GGT1: variants seen among roughly 807,000 people sequenced by gnomAD.
GGT1 encodes gamma-glutamyltransferase 1.
A neutral mutation model predicts 56.0 loss-of-function variants in GGT1; 21 were observed. That is an observed-to-expected ratio of 0.38 (90% confidence interval 0.27 to 0.54). GGT1 has a LOEUF of 0.54. GGT1 is among the 20% of genes least tolerant of loss of function. The pLI is 0.82. For synonymous variants in GGT1, 238 were observed against 342.6 expected (o/e 0.69, Z 3.37); for missense variants, 466 against 787.0 (o/e 0.59, Z 4.88).
chr22:24,614,570 C>T (rs890976416), intron 5 of GGT1, among the ~76,000 whole-genome samples: 2 of 143,640 alleles, frequency 1.4e-5, no homozygotes, highest in African/African-American at 5.2e-5. Context: ...GAGCTGAGAT[C>T]GTGCCACTGC....
chr22:24,617,528 C>T (rs2047148981), intron 7 of GGT1, among the ~76,000 whole-genome samples: 1 of 152,046 alleles, frequency 6.6e-6, no homozygotes, highest in African/African-American at 2.4e-5. Flanking sequence ...TGGACAGACA[C>T]ACTTGGAAGT....
chr22:24,623,941 G>A (rs945773200), intron 11 of GGT1, 25 bp downstream of exon 11: 1 of 1,605,554 alleles, frequency 6.2e-7, no homozygotes, highest in African/African-American at 1.3e-5. Context: ...CTGGCCCACT[G>A]TGGGTGTGGG....
upstream of GGT1, among the ~76,000 whole-genome samples, chr22:24,602,047 A>G (rs935484194): frequency 6.6e-6 from 1 of 151,866 alleles, no homozygotes; most frequent in Admixed American, 6.6e-5. Context: ...CAGGGCTCTC[A>G]AAGTCCACAC....
rs369746923 is a variant in GGT1 at position 24,624,384 on chromosome 22, A to G, written c.1020+468A>G. 488 of 985,124 alleles carry G rather than the reference A, an allele frequency of 5.0e-4. 2 individuals carry two copies. The South Asian group carries it at 0.019, about 39-fold the overall frequency. 61.0% of individuals were successfully genotyped at this position (985,124 alleles called of 1,614,324 possible). On this transcript the variant is annotated intron_variant, in intron 11 of 15. Coordinates refer to ENST00000400382, the MANE Select transcript of GGT1 (RefSeq NM_001288833.2). ...TGCCCCAGCTCCACACTGGGTCCCT[A>G]TAAGACCCTGTCATATCCCTTCCCG...
chr22:24,598,431 C>G (rs908335536), upstream of GGT1, among the ~76,000 whole-genome samples: 2 of 121,886 alleles, frequency 1.6e-5, no homozygotes, highest in African/African-American at 6.9e-5. Context: ...CAGAGCGAGA[C>G]TGAGACTCCG....
At chr22:24,603,623 G>A (rs1365981040) in intron 1 of GGT1, 96 bp downstream of exon 1, 3 of 152,520 alleles carry the variant, frequency 2.0e-5, no homozygotes, top group Non-Finnish European at 2.9e-5. Flanking sequence ...TGAGGTATGC[G>A]AGTGGGTGAA....
upstream of GGT1, chr22:24,592,627 C>T (rs2045604808): frequency 6.8e-6 from 4 of 585,896 alleles, no homozygotes; most frequent in South Asian, 2.0e-5. Context: ...CTCCTCCACA[C>T]GGTCCGCCGA....
chr22:24,588,096 G>A, the GGT1 span: 4 of 787,006 alleles, frequency 5.1e-6, no homozygotes, highest in African/African-American at 1.7e-5. Flanking sequence ...ATGCGGACCA[G>A]GTGAGGGCCT....
chr22:24,592,775 A>G, upstream of GGT1: 3 of 1,289,816 alleles, frequency 2.3e-6, no homozygotes, highest in South Asian at 3.5e-5. Context: ...ATACAGGCCC[A>G]CAACCCATAG....
chr22:24,586,196 A>T, the GGT1 span: 4 of 1,613,856 alleles, frequency 2.5e-6, no homozygotes, highest in Non-Finnish European at 3.4e-6. Flanking sequence ...GTTGAGCAGG[A>T]GCTGGGTGAG....
rs192491807 is a variant in GGT1, at chr22:24,603,449, C to T, written c.-507C>T. ...CTCTCCAAGCCTCGGTTTATGTACC[C>T]GTGCAGTGGGAGTGAGTTGCACTTC... On this transcript the variant is annotated 5_prime_UTR_variant, in exon 1 of 16. Coordinates refer to ENST00000400382, the MANE Select transcript of GGT1 (RefSeq NM_001288833.2). The T allele has an allele frequency of 6.6e-6, 1 of 152,398 alleles. No homozygotes were observed. Among genetic ancestry groups the T allele is most frequent in the East Asian group, 1.9e-4 (1 of 5,184 alleles). The allele number at this position is 152,398 out of a possible 1,614,324, so 9.4% of individuals were successfully genotyped here.
At chr22:24,589,373 G>A in the GGT1 span, 2 of 1,125,610 alleles carry the variant, frequency 1.8e-6, no homozygotes, top group Non-Finnish European at 2.2e-6. Context: ...GTCCGCAAGG[G>A]TGTCTGTACA....
chr22:24,619,405 A>G (rs9608303), intron 7 of GGT1, among the ~76,000 whole-genome samples: 1,778 of 85,772 alleles, frequency 0.021, 17 homozygotes, highest in African/African-American at 0.064. Flanking sequence ...TCTCAGAAAA[A>G]AAAAAAAAAA....
intron 5 of GGT1, among the ~76,000 whole-genome samples, chr22:24,614,348 CAAAAAAAAA>C (rs534749815): frequency 4.7e-4 from 5 of 10,746 alleles, no homozygotes; most frequent in East Asian, 5.1e-3. Context: ...GACTTTGTCT[CAAAAAAAAA>C]AAAAAAAAAA....
chr22:24,595,870 TC>T (rs1242970793), intron 1 of GGT1, among the ~76,000 whole-genome samples: 4 of 152,200 alleles, frequency 2.6e-5, no homozygotes, highest in African/African-American at 9.7e-5. Context: ...GTAGTATTGT[TC>T]AAGCCCAGGA....
At chr22:24,610,727 G>A (rs537265791) in intron 4 of GGT1, among the ~76,000 whole-genome samples, 196 bp downstream of exon 4, 1 of 141,800 alleles carries the variant, frequency 7.1e-6, no homozygotes, top group South Asian at 2.2e-4. Flanking sequence ...CTAAGCAGTG[G>A]AGGCTCAGCC....
intron 11 of GGT1, among the ~76,000 whole-genome samples, chr22:24,626,967 G>C (rs543571066): frequency 6.7e-6 from 1 of 150,224 alleles, no homozygotes; most frequent in African/African-American, 2.5e-5. Flanking sequence ...CTTTTCACAC[G>C]TTGCCTCCTC....
At position 24,620,104 on chromosome 22, in the gene GGT1, G is replaced by A. The variant is rs1194442425; in HGVS notation, c.383-224G>A. Among the ~76,000 whole-genome samples, 2 of 151,880 alleles carry A rather than the reference G, an allele frequency of 1.3e-5. No homozygotes were observed. Among genetic ancestry groups the A allele is most frequent in the Non-Finnish European group, 2.9e-5 (2 of 67,968 alleles). On this transcript the variant is annotated intron_variant, in intron 7 of 15. Transcript: ENST00000400382. This position sits in a 1 kb window ranked among gnomAD's most constrained non-coding sequence, Gnocchi z 5.6. ...TGCTGTTCACGCCTGTAATCTCAGC[G>A]ACTCAGGAGGCTGAGGTGGGAGGAT...
upstream of GGT1, among the ~76,000 whole-genome samples, chr22:24,601,765 T>C (rs1055491137): frequency 2.2e-4 from 34 of 152,202 alleles, no homozygotes; most frequent in Non-Finnish European, 2.9e-5. Flanking sequence ...ACTAGGATGG[T>C]GGGGCGGCAC....
Sources: gnomAD v4.1 joint callset for allele counts (sites outside exome capture counted in the v4.1 genomes callset) on GRCh38, gnomAD v4.1.1 for gene constraint, Gnocchi (gnomAD v3.1) non-coding constraint, MANE v1.5 for transcripts, NCBI Gene and HGNC (gene_info 2026-07-23, HGNC 2026-07-21) for gene names.